PLXNA2: variants seen among roughly 807,000 people sequenced by gnomAD.
PLXNA2 encodes the protein plexin A2.
PLXNA2 carries 91 observed loss-of-function variants against 193.5 expected under a neutral mutation model. That is an observed-to-expected ratio of 0.47 (90% CI 0.40 to 0.56). The LOEUF (loss-of-function observed/expected upper bound fraction) is 0.56, where lower values mean the gene tolerates loss of function less well. Ranked by LOEUF, PLXNA2 falls within the 20% of genes least tolerant of loss-of-function variation. The pLI is 0.00. For missense variants in PLXNA2, 1,995 were observed against 2,503.2 expected, an observed-to-expected ratio of 0.80 and a Z score of 4.33; for synonymous variants, 997 against 1,027.3, an observed-to-expected ratio of 0.97 and a Z score of 0.56.
At chr1:208,036,753 G>A (rs1664681154) in intron 26 of PLXNA2, among the ~76,000 whole-genome samples, 1 of 152,210 alleles carries the variant, frequency 6.6e-6, no homozygotes, top group African/African-American at 2.4e-5. Flanking sequence ...AGGACTGAAT[G>A]CATACATGAA....
Position 208,104,631 on chromosome 1 carries a change from G to A in PLXNA2, c.1507-1384C>T, listed in dbSNP as rs188435046. ...ATTGTGATGAGCGAAAGCGATCATG[G>A]ATAAGTTCAGTATAAACTTAAGTGT... On this transcript the variant is annotated intron_variant, in intron 4 of 31. Coordinates refer to ENST00000367033, the MANE Select transcript of PLXNA2 (RefSeq NM_025179.4). 3.9e-3 allele frequency among the ~76,000 whole-genome samples: 591 copies of A among 152,276 alleles called. 4 individuals carry two copies. Among genetic ancestry groups the A allele is most frequent in the African/African-American group, 0.012 (509 of 41,554 alleles).
chr1:208,162,257 T>G (rs1669154182), intron 3 of PLXNA2, among the ~76,000 whole-genome samples: 1 of 152,188 alleles, frequency 6.6e-6, no homozygotes, highest in Admixed American at 6.5e-5. Context: ...CTCAGTGATA[T>G]GCCAAGGGAA....
chr1:208,091,612 C>T (rs1277889297), intron 9 of PLXNA2, among the ~76,000 whole-genome samples: 2 of 152,170 alleles, frequency 1.3e-5, no homozygotes, highest in Non-Finnish European at 1.5e-5. Context: ...GTGGCTCACA[C>T]TTGTAACCCC....
chr1:208,092,784 A>G lies in PLXNA2; in HGVS notation c.2097+2T>C. 4 of 1,607,860 alleles carry G rather than the reference A, an allele frequency of 2.5e-6. No homozygotes were observed. The highest frequency in any genetic ancestry group is 3.4e-6 in the Non-Finnish European group (4 of 1,174,866). On this transcript the variant is annotated splice_donor_variant, in intron 9 of 31. Coordinates refer to ENST00000367033, the MANE Select transcript of PLXNA2 (RefSeq NM_025179.4). LOFTEE classifies it high-confidence loss of function. ...TGCCATGTTAGGGTAAGCCCTTCTT[A>G]CCTCTGAAATATTGATCCGGCCCTC...
At chr1:208,167,575 C>T (rs184092588) in intron 3 of PLXNA2, among the ~76,000 whole-genome samples, 3 of 152,222 alleles carry the variant, frequency 2.0e-5, no homozygotes, top group East Asian at 1.9e-4. Flanking sequence ...TATGCCCTAG[C>T]GCCCTGCTCT....
chr1:208,235,749 C>G (rs1671830727), intron 1 of PLXNA2, among the ~76,000 whole-genome samples: 1 of 152,178 alleles, frequency 6.6e-6, no homozygotes, highest in Admixed American at 6.5e-5. Context: ...GGGCCTAAAC[C>G]TCCTGCAGGA....
At chr1:208,154,484 G>A (rs545587009) in intron 3 of PLXNA2, among the ~76,000 whole-genome samples, 20 of 152,186 alleles carry the variant, frequency 1.3e-4, no homozygotes, top group African/African-American at 4.8e-4. Context: ...CCACATCATC[G>A]CACCCAAAAA....
chr1:208,110,865 C>T (rs1322163538), intron 4 of PLXNA2, among the ~76,000 whole-genome samples: 1 of 152,174 alleles, frequency 6.6e-6, no homozygotes, highest in African/African-American at 2.4e-5. Context: ...CATCTTTCTG[C>T]TTCCTAGTCA....
At chr1:208,227,489 T>C (rs773219254) in intron 1 of PLXNA2, among the ~76,000 whole-genome samples, 3 of 152,222 alleles carry the variant, frequency 2.0e-5, no homozygotes, top group African/African-American at 7.2e-5. Context: ...TTTTAAGACT[T>C]ATTTTTCAGC....
chr1:208,212,779 A>C (rs546533800), intron 2 of PLXNA2, among the ~76,000 whole-genome samples: 1 of 152,232 alleles, frequency 6.6e-6, no homozygotes, highest in African/African-American at 2.4e-5. Context: ...CACTTTTTAC[A>C]TTGTGTGCTT....
chr1:208,030,555 C>T lies in PLXNA2; in HGVS notation c.5225+1035G>A, dbSNP rs576927270. 4 of 985,454 alleles carry T rather than the reference C, an allele frequency of 4.1e-6. No individual in the cohort carries two copies. In the South Asian group the frequency reaches 1.9e-4, roughly 46 times the overall value. The allele number at this position is 985,454 out of a possible 1,614,324, so 61.0% of individuals were successfully genotyped here. On this transcript the variant is annotated intron_variant, in intron 29 of 31. Coordinates refer to ENST00000367033, the MANE Select transcript of PLXNA2 (RefSeq NM_025179.4). ...TCGTTTCACTCCACTGTGATCAAAG[C>T]TGCAGACTGAGGAAGGCTCAGCGAC...
At chr1:208,086,734 T>G (rs1173170469) in intron 9 of PLXNA2, among the ~76,000 whole-genome samples, 1 of 150,478 alleles carries the variant, frequency 6.6e-6, no homozygotes, top group Non-Finnish European at 1.5e-5. Context: ...TTTACTGCAC[T>G]TTCACTTTCA....
chr1:208,105,922 G>A (rs899425763), intron 4 of PLXNA2, among the ~76,000 whole-genome samples: 7 of 152,286 alleles, frequency 4.6e-5, no homozygotes, highest in Middle Eastern at 3.4e-3. Context: ...TCAGCAGCTG[G>A]GAAAAGGGGC....
chr1:208,031,585 T>C lies in PLXNA2; in HGVS notation c.5225+5A>G, dbSNP rs1291768677. ...CACCTCCTGCTGAGCTCCCCGAGGG[T>C]TTACCAGTTGCTTTTCCAGGTGTGC... is the stretch of plus-strand genomic sequence containing the variant. On this transcript the variant is annotated splice_donor_5th_base_variant and intron_variant, in intron 29 of 31. Coordinates refer to ENST00000367033, the MANE Select transcript of PLXNA2 (RefSeq NM_025179.4). The C allele has an allele frequency of 6.2e-7, 1 of 1,613,698 alleles. No individual in the cohort carries two copies. The highest frequency in any genetic ancestry group is 1.3e-5 in the African/African-American group (1 of 74,776).
In PLXNA2 at chr1:208,243,765, A is replaced by C. The variant is rs2102658774; in HGVS notation, c.-203T>G. ...CAGCTCGGAATCAGGGAGACGACCA[A>C]ATCCACATGGAGTCCAAATTCATTA... On this transcript the variant is annotated 5_prime_UTR_variant, in exon 1 of 32. It adds an upstream start codon to the 5' untranslated region. Coordinates refer to ENST00000367033, the MANE Select transcript of PLXNA2 (RefSeq NM_025179.4). The C allele has an allele frequency of 6.6e-6, 1 of 152,340 alleles. No homozygotes were observed. The highest frequency in any genetic ancestry group is 2.1e-4 in the South Asian group (1 of 4,828). The allele number at this position is 152,340 out of a possible 1,614,324, so 9.4% of individuals were successfully genotyped here.
intron 3 of PLXNA2, among the ~76,000 whole-genome samples, chr1:208,189,384 C>T: frequency 6.6e-6 from 1 of 152,000 alleles, no homozygotes; most frequent in East Asian, 1.9e-4. Context: ...AGGGCCTGGG[C>T]TGAGCTATAC....
chr1:208,090,867 C>G (rs1156346361), intron 9 of PLXNA2, among the ~76,000 whole-genome samples: 1 of 152,222 alleles, frequency 6.6e-6, no homozygotes, highest in Non-Finnish European at 1.5e-5. Flanking sequence ...GCCCAGGCCT[C>G]CCATGGTGGC....
chr1:208,058,522 C>T (rs1451631227), intron 13 of PLXNA2, among the ~76,000 whole-genome samples: 3 of 152,134 alleles, frequency 2.0e-5, no homozygotes, highest in Non-Finnish European at 4.4e-5. Context: ...GCTCACTGCC[C>T]GGGATGGAGG....
In PLXNA2 at chr1:208,145,914, A is replaced by C. The variant is rs942025483; in HGVS notation, c.1372-3451T>G. On this transcript the variant is annotated intron_variant, in intron 3 of 31. Coordinates refer to ENST00000367033, the MANE Select transcript of PLXNA2 (RefSeq NM_025179.4). ...AAGCTATCCTATTTCATTCAGTCTA[A>C]ATCCCGGAGAGAAATGTGGTATTGG... 1.3e-4 allele frequency among the ~76,000 whole-genome samples: 20 copies of C among 152,150 alleles called. 1 individual carries two copies. Among genetic ancestry groups the C allele is most frequent in the Non-Finnish European group, 1.9e-4 (13 of 68,026 alleles).
Sources: allele counts gnomAD v4.1 joint callset (sites outside exome capture counted in the v4.1 genomes callset), GRCh38; gene constraint gnomAD v4.1.1; transcripts MANE v1.5; gene names NCBI Gene and HGNC (gene_info 2026-07-23, HGNC 2026-07-21).